The following PAK6 variants were observed in gnomAD, a reference collection of about 807,000 sequenced individuals.
PAK6 encodes p21 (RAC1) activated kinase 6.
PAK6 carries 33 observed loss-of-function variants against 60.8 expected under a neutral mutation model. That is an observed-to-expected ratio of 0.54 (90% CI 0.41 to 0.73). The LOEUF is 0.73. PAK6 is among the 30% of genes least tolerant of loss of function. PAK6 has a pLI of 0.00. For synonymous variants in PAK6, 404 were observed against 378.5 expected (o/e 1.07, Z -0.78); for missense variants, 845 against 904.1 (o/e 0.93, Z 0.84).
intron 3 of PAK6, among the ~76,000 whole-genome samples, chr15:40,255,214 G>A (rs1476932569): frequency 1.3e-5 from 2 of 152,124 alleles, no homozygotes; most frequent in African/African-American, 2.4e-5. Flanking sequence ...TAGGCCGGGC[G>A]CGGTGGCTCA....
intron 3 of PAK6, among the ~76,000 whole-genome samples, chr15:40,260,826 A>AT (rs2038961757): frequency 6.6e-6 from 1 of 151,908 alleles, no homozygotes; most frequent in African/African-American, 2.4e-5. Context: ...AGGACTTTGT[A>AT]TTTTTTTGTT....
chr15:40,269,561 CTTTCTT>C (rs2039244027), intron 5 of PAK6, among the ~76,000 whole-genome samples: 1 of 152,252 alleles, frequency 6.6e-6, no homozygotes, highest in Non-Finnish European at 1.5e-5. Context: ...CCCCCTTTCC[CTTTCTT>C]GTGTGGCCTC....
At chr15:40,272,902 G>T (rs1383805995) in exon 7 of PAK6, 1 of 1,614,110 alleles carries the variant, frequency 6.2e-7, no homozygotes, top group South Asian at 1.1e-5. Context: ...CTTCAACGTG[G>T]TGGAGATGTA....
At position 40,248,904 on chromosome 15, in the gene PAK6, G is replaced by A. The variant is rs573887844; in HGVS notation, c.-117-4274G>A. On this transcript the variant is annotated intron_variant, in intron 2 of 10. Coordinates refer to ENST00000560346, the Ensembl canonical transcript of PAK6. ...AGTTGAGAGAACCAGCTTTGGGGTC[G>A]GATACACTTCCGTTCAAATTCCAGC... 4.0e-4 allele frequency among the ~76,000 whole-genome samples: 61 copies of A among 152,280 alleles called. 1 individual carries two copies. The highest frequency in any genetic ancestry group is 3.4e-3 in the Middle Eastern group (1 of 294).
intron 5 of PAK6, among the ~76,000 whole-genome samples, chr15:40,271,948 T>A (rs1566857309): frequency 6.6e-6 from 1 of 152,186 alleles, no homozygotes; most frequent in Non-Finnish European, 1.5e-5. Context: ...GGCGGGGAGC[T>A]GGCCTTCTCT....
chr15:40,252,243 T>C (rs1481726627), intron 2 of PAK6: 2 of 1,192,738 alleles, frequency 1.7e-6, no homozygotes, highest in Non-Finnish European at 2.1e-6. Flanking sequence ...GGAGCGTGCA[T>C]CTGCGATGCC....
chr15:40,242,009 G>A (rs908637652), intron 2 of PAK6, among the ~76,000 whole-genome samples: 2 of 150,570 alleles, frequency 1.3e-5, no homozygotes, highest in African/African-American at 4.8e-5. Context: ...ATGCAGAGCT[G>A]AGCAGGGGCT....
chr15:40,252,372 G>A (rs1036200308), intron 2 of PAK6: 1 of 1,315,570 alleles, frequency 7.6e-7, no homozygotes, highest in Non-Finnish European at 1.0e-6. Context: ...GCCAGGCCAG[G>A]GCCCGGAGGC....
intron 9 of PAK6, 94 bp from the exon 10 acceptor site, chr15:40,274,048 C>A: frequency 6.9e-7 from 1 of 1,440,202 alleles, no homozygotes; most frequent in Non-Finnish European, 9.6e-7. Context: ...AGAGCTGGGG[C>A]CAGCTGTCCC....
At chr15:40,275,960 A>C (rs763671771) in exon 11 of PAK6, 1 of 1,613,090 alleles carries the variant, frequency 6.2e-7, no homozygotes, top group South Asian at 1.1e-5. Context: ...CCTGGAGCGG[A>C]TGCTGGTGCG....
chr15:40,250,754 A>G (rs1002070178), intron 2 of PAK6: 3 of 152,346 alleles, frequency 2.0e-5, no homozygotes, highest in Non-Finnish European at 4.4e-5. Context: ...AGGCATTTGT[A>G]GTCAAAGAAA....
At chr15:40,247,093 A>AAGTC (rs1271854807) in intron 2 of PAK6, 1 of 152,374 alleles carries the variant, frequency 6.6e-6, no homozygotes, top group Non-Finnish European at 1.5e-5. Context: ...TCCTTCCTGA[A>AAGTC]AGTCAGCCAC....
At chr15:40,255,226 G>A (rs1595577619) in intron 3 of PAK6, among the ~76,000 whole-genome samples, 1 of 152,004 alleles carries the variant, frequency 6.6e-6, no homozygotes, top group Admixed American at 6.5e-5. Flanking sequence ...GGTGGCTCAC[G>A]CCTGTTGACA....
chr15:40,265,417 G>A (rs919064697), intron 4 of PAK6, among the ~76,000 whole-genome samples: 11 of 152,182 alleles, frequency 7.2e-5, no homozygotes, highest in Admixed American at 4.6e-4. Flanking sequence ...GCCCTATCAG[G>A]GTTTGGAGGC....
chr15:40,243,526 G>C (rs906475461), intron 2 of PAK6, among the ~76,000 whole-genome samples: 1 of 152,180 alleles, frequency 6.6e-6, no homozygotes, highest in Non-Finnish European at 1.5e-5. Flanking sequence ...TTCAGCAAGA[G>C]ATAACTATTA....
At chr15:40,255,185 G>T (rs968013414) in intron 3 of PAK6, among the ~76,000 whole-genome samples, 5 of 152,204 alleles carry the variant, frequency 3.3e-5, no homozygotes, top group African/African-American at 4.8e-5. Flanking sequence ...TGTGTGCAGA[G>T]GCTGTTGAGA....
At chr15:40,260,931 C>G (rs138088927) in intron 3 of PAK6, among the ~76,000 whole-genome samples, 168 of 151,786 alleles carry the variant, frequency 1.1e-3, no homozygotes, top group Admixed American at 3.6e-3. Context: ...CTCTGTCGCC[C>G]AGGCTGGAAT....
At chr15:40,253,066 T>A in intron 2 of PAK6, 112 bp from the exon 3 acceptor site, 1 of 394,844 alleles carries the variant, frequency 2.5e-6, no homozygotes, top group South Asian at 1.9e-5. Flanking sequence ...AGGAGTTCAG[T>A]CGGGAGGCGG....
At chr15:40,267,694 C>T (rs1369484151) in intron 5 of PAK6, among the ~76,000 whole-genome samples, 1 of 152,122 alleles carries the variant, frequency 6.6e-6, no homozygotes, top group Admixed American at 6.5e-5. Context: ...GAGCTTTGTG[C>T]ACTCTAGTCC....
Sources: allele counts gnomAD v4.1 joint callset (sites outside exome capture counted in the v4.1 genomes callset), GRCh38; gene constraint gnomAD v4.1.1; transcripts MANE v1.5; gene names NCBI Gene and HGNC (gene_info 2026-07-23, HGNC 2026-07-21).